Variants in CCDC117 observed in about 807,000 individuals in gnomAD.
The protein encoded by CCDC117 is coiled-coil domain containing 117, also known as coiled-coil domain-containing protein 117.
CCDC117 carries 1 observed loss-of-function variant against 23.5 expected under a neutral mutation model. The observed-to-expected ratio is 0.04, with a 90% confidence interval of 0.02 to 0.20. The LOEUF is 0.20. Ranked by LOEUF, CCDC117 falls within the 10% of genes least tolerant of loss-of-function variation. CCDC117 has a pLI of 1.00. For synonymous variants in CCDC117, 132 were observed against 124.8 expected, an observed-to-expected ratio of 1.06 and a Z score of -0.39; for missense variants, 383 against 348.2, an observed-to-expected ratio of 1.10 and a Z score of -0.80.
chr22:28,773,897 A>T, intron 2 of CCDC117, 119 bp downstream of exon 2: 1 of 788,286 alleles, frequency 1.3e-6, no homozygotes, highest in Non-Finnish European at 2.2e-6. Context: ...AAAGAGACAC[A>T]GAAATTAGTG....
chr22:28,774,164 T>A (rs1450820874), intron 2 of CCDC117, among the ~76,000 whole-genome samples: 2 of 150,162 alleles, frequency 1.3e-5, no homozygotes, highest in Non-Finnish European at 3.0e-5. Context: ...GCCTCCCGGC[T>A]TCATGCCATT....
chr22:28,782,276 T>TTTTG (rs2031368536), intron 3 of CCDC117, among the ~76,000 whole-genome samples: 1 of 127,104 alleles, frequency 7.9e-6, no homozygotes, highest in Admixed American at 7.7e-5. Context: ...TTTTTTTTTT[T>TTTTG]GAAACAGTGT....
In CCDC117 at chr22:28,772,986, GACCTCGCGC is replaced by G. The variant is rs1451165510; in HGVS notation, c.139_147del (p.Pro47_Ala49del). ...GGCGCCGAGTTGGCCCCGCGGCCGG[GACCTCGCGC>G]AGTCCCTAGCAGTCCCGCTGGGAGT... On this transcript the variant is annotated inframe_deletion, in exon 1 of 5. Transcript: ENST00000249064. 8.3e-7 allele frequency: 1 copy of G among 1,198,098 alleles called. No homozygotes were observed. 74.2% of individuals were successfully genotyped at this position (1,198,098 alleles called of 1,614,324 possible).
chr22:28,786,475 G>C lies in CCDC117; in HGVS notation c.*149G>C, dbSNP rs563797090. 2.8e-4 allele frequency: 170 copies of C among 596,502 alleles called. 6 individuals are homozygous for C. In the South Asian group the frequency reaches 3.8e-3, roughly 13 times the overall value. 37.0% of individuals were successfully genotyped at this position (596,502 alleles called of 1,614,324 possible). A position where few individuals can be genotyped will look rare whatever the true frequency, so the allele number is the denominator to read the frequency against. On this transcript the variant is annotated 3_prime_UTR_variant, in exon 5 of 5. Coordinates refer to ENST00000249064, the MANE Select transcript of CCDC117 (RefSeq NM_173510.4). Reference sequence around the variant, plus strand: ...GATTTGGGGGTGGGACTCTTATTTTGGGTAGCCATTTATTGACTTCACCTT... The same window carrying C: ...GATTTGGGGGTGGGACTCTTATTTTCGGTAGCCATTTATTGACTTCACCTT...
chr22:28,775,175 C>T (rs975146437), intron 2 of CCDC117, among the ~76,000 whole-genome samples: 2 of 152,124 alleles, frequency 1.3e-5, no homozygotes, highest in Non-Finnish European at 2.9e-5. Flanking sequence ...GCAGGAGAAT[C>T]ACTTGAACCC....
At chr22:28,777,130 C>T (rs958831193) in intron 2 of CCDC117, among the ~76,000 whole-genome samples, 10 of 151,208 alleles carry the variant, frequency 6.6e-5, no homozygotes, top group African/African-American at 2.4e-4. Context: ...CCTCTGCCTC[C>T]CGTGTTCAAG....
intron 3 of CCDC117, among the ~76,000 whole-genome samples, 196 bp downstream of exon 3, chr22:28,781,368 T>TTTTTTTTTTTTG: frequency 2.7e-5 from 1 of 36,432 alleles, no homozygotes; most frequent in Admixed American, 2.3e-4. Context: ...TTTTTTTTTT[T>TTTTTTTTTTTTG]GAGACGGAGT....
At position 28,789,105 on chromosome 22, in the gene CCDC117, C is replaced by T. The variant is rs1439413857; in HGVS notation, c.*2779C>T. On this transcript the variant is annotated 3_prime_UTR_variant, in exon 5 of 5. Coordinates refer to ENST00000249064, the MANE Select transcript of CCDC117 (RefSeq NM_173510.4). ...AAAATAACTAAAGTAGGGGCTGGAA[C>T]CATAAGAAGAATGTTTATCAGCACG... The T allele has an allele frequency of 1.4e-5, 2 of 148,084 alleles. No individual in the cohort carries two copies. The highest frequency in any genetic ancestry group is 3.0e-5 in the Non-Finnish European group (2 of 66,466). 9.2% of individuals were successfully genotyped at this position (148,084 alleles called of 1,614,324 possible).
chr22:28,775,047 A>T (rs1021122135), intron 2 of CCDC117, among the ~76,000 whole-genome samples: 4 of 152,132 alleles, frequency 2.6e-5, no homozygotes, highest in Non-Finnish European at 5.9e-5. Flanking sequence ...GCAGATCAGG[A>T]GGTCAGGAGT....
chr22:28,782,143 G>A (rs1177197170), intron 3 of CCDC117, among the ~76,000 whole-genome samples: 4 of 150,708 alleles, frequency 2.7e-5, no homozygotes, highest in Non-Finnish European at 4.4e-5. Flanking sequence ...TCGCCATGTT[G>A]CCCAAGCTGG....
intron 2 of CCDC117, among the ~76,000 whole-genome samples, chr22:28,774,914 C>T (rs1039083137): frequency 6.6e-6 from 1 of 152,156 alleles, no homozygotes; most frequent in Admixed American, 6.6e-5. Context: ...TTTTACTCTT[C>T]TGTAGCTTGT....
chr22:28,776,010 C>T (rs1192682459), intron 2 of CCDC117, among the ~76,000 whole-genome samples: 6 of 152,172 alleles, frequency 3.9e-5, no homozygotes, highest in Non-Finnish European at 7.3e-5. Context: ...AATGAGATGC[C>T]ACTCTACCTC....
intron 2 of CCDC117, among the ~76,000 whole-genome samples, chr22:28,778,503 G>A (rs1190783751): frequency 6.6e-6 from 1 of 152,068 alleles, no homozygotes; most frequent in African/African-American, 2.4e-5. Flanking sequence ...AGCTACTCGG[G>A]GGGCTGAGGC....
In CCDC117 at chr22:28,786,370, T is replaced by C; in HGVS notation, c.*44T>C. 1 of 1,403,606 alleles carries C rather than the reference T, an allele frequency of 7.1e-7. No individual in the cohort carries two copies. The highest frequency in any genetic ancestry group is 1.0e-6 in the Non-Finnish European group (1 of 996,056). 86.9% of individuals were successfully genotyped at this position (1,403,606 alleles called of 1,614,324 possible). A position where few individuals can be genotyped will look rare whatever the true frequency, so the allele number is the denominator to read the frequency against. On this transcript the variant is annotated 3_prime_UTR_variant, in exon 5 of 5. Transcript: ENST00000249064. ...AAGTTGTCAAATGTTAGAAGAATCCTGTGTTCAGTTATGAGACTCTTTGCA... is the reference window on the plus strand; with the variant it reads ...AAGTTGTCAAATGTTAGAAGAATCCCGTGTTCAGTTATGAGACTCTTTGCA...
chr22:28,787,712 T>TAATC lies in CCDC117; in HGVS notation c.*1387_*1388insATCA. ...AGCTCTTCTATGTGGCAGGGGCTGA[T>TAATC]AGGGCAAAATAAAATGACAATTTCT... is the stretch of plus-strand genomic sequence containing the variant. On this transcript the variant is annotated 3_prime_UTR_variant, in exon 5 of 5. Transcript: ENST00000249064. 1 of 152,576 alleles carries TAATC rather than the reference T, an allele frequency of 6.6e-6. No homozygotes were observed. Among genetic ancestry groups the TAATC allele is most frequent in the South Asian group, 2.1e-4 (1 of 4,818 alleles). The allele number at this position is 152,576 out of a possible 1,614,324, so 9.5% of individuals were successfully genotyped here.
intron 2 of CCDC117, among the ~76,000 whole-genome samples, chr22:28,774,202 G>A (rs1178915112): frequency 6.6e-6 from 1 of 150,528 alleles, no homozygotes; most frequent in Non-Finnish European, 1.5e-5. Flanking sequence ...CGAGTAGCTG[G>A]GACTACAGGC....
At chr22:28,780,871 T>C in intron 2 of CCDC117, 77 bp from the exon 3 acceptor site, 2 of 1,093,316 alleles carry the variant, frequency 1.8e-6, no homozygotes, top group Non-Finnish European at 2.6e-6. Context: ...ATACAAAAAC[T>C]TGATTGGAGA....
chr22:28,783,496 T>A lies in CCDC117; in HGVS notation c.465-12T>A, dbSNP rs1486637593. On this transcript the variant is annotated splice_polypyrimidine_tract_variant and intron_variant, in intron 3 of 4. Transcript: ENST00000249064. ...ATATTTTTTCTTTCTTCTGCTGCCT[T>A]AATTGATTTAGGATAATTGATGAAG... is the stretch of plus-strand genomic sequence containing the variant. 6.2e-7 allele frequency: 1 copy of A among 1,606,208 alleles called. No individual in the cohort carries two copies. The highest frequency in any genetic ancestry group is 1.1e-5 in the South Asian group (1 of 89,012).
At position 28,786,425 on chromosome 22, in the gene CCDC117, C is replaced by T. The variant is rs908788515; in HGVS notation, c.*99C>T. The T allele has an allele frequency of 8.7e-5, 67 of 772,916 alleles. No homozygotes were observed. The highest frequency in any genetic ancestry group is 1.1e-4 in the Non-Finnish European group (54 of 484,300). 47.9% of individuals were successfully genotyped at this position (772,916 alleles called of 1,614,324 possible). The stretch of plus-strand genomic sequence containing the variant: ...ATAGGGACTTGAAAGTTTTATGAGA[C>T]GGGTGTAATAATATCTCCACCTGTG... On this transcript the variant is annotated 3_prime_UTR_variant, in exon 5 of 5. Coordinates refer to ENST00000249064, the MANE Select transcript of CCDC117 (RefSeq NM_173510.4).
Sources: gnomAD v4.1 joint callset for allele counts (sites outside exome capture counted in the v4.1 genomes callset) on GRCh38, gnomAD v4.1.1 for gene constraint, MANE v1.5 for transcripts, NCBI Gene and HGNC (gene_info 2026-07-23, HGNC 2026-07-21) for gene names.